KLHDC1: variants seen among roughly 807,000 people sequenced by gnomAD.
KLHDC1 encodes the protein kelch domain containing 1, also known as kelch domain-containing protein 1.
KLHDC1 carries 53 observed loss-of-function variants against 68.3 expected under a neutral mutation model. That is an observed-to-expected ratio of 0.78 (90% CI 0.62 to 0.98). The LOEUF is 0.98. Ranked by LOEUF, KLHDC1 falls within the 50% of genes least tolerant of loss-of-function variation. The pLI is 0.00. For missense variants in KLHDC1, 470 were observed against 492.3 expected (o/e 0.95, Z 0.43); for synonymous variants, 148 against 159.0 (o/e 0.93, Z 0.52).
intron 6 of KLHDC1, among the ~76,000 whole-genome samples, chr14:49,728,648 A>G (rs1888728970): frequency 6.6e-6 from 1 of 152,220 alleles, no homozygotes; most frequent in East Asian, 1.9e-4. Flanking sequence ...AGTATTTCAA[A>G]CAAAAATTTA....
rs1888019607 is a variant in KLHDC1, at chr14:49,705,353, A to ATTTCTTTC, written c.97-3798_97-3791dup. On this transcript the variant is annotated intron_variant, in intron 1 of 12. Coordinates refer to ENST00000359332, the MANE Select transcript of KLHDC1 (RefSeq NM_172193.3). ...AGTAATGACAATTCACTTTCATAAT[A>ATTTCTTTC]TTTCTTTCTTTCTTTTTTTTTTTTT... Among the ~76,000 whole-genome samples, 3 of 71,140 alleles carry ATTTCTTTC rather than the reference A, an allele frequency of 4.2e-5. No homozygotes were observed. In the South Asian group the frequency reaches 1.8e-3, roughly 42 times the overall value. The allele number at this position is 71,140 out of a possible 152,430, so 46.7% of individuals were successfully genotyped here. A position where few individuals can be genotyped will look rare whatever the true frequency, so the allele number is the denominator to read the frequency against.
chr14:49,739,087 G>A (rs1889001164), intron 10 of KLHDC1, among the ~76,000 whole-genome samples: 1 of 152,216 alleles, frequency 6.6e-6, no homozygotes, highest in Non-Finnish European at 1.5e-5. Context: ...AAAGGGTGCT[G>A]AATAGAGATG....
At chr14:49,739,640 A>G (rs767097922) in intron 10 of KLHDC1, among the ~76,000 whole-genome samples, 1 of 152,198 alleles carries the variant, frequency 6.6e-6, no homozygotes, top group Non-Finnish European at 1.5e-5. Context: ...AAAACTGGGG[A>G]AAGTGCTTGT....
At chr14:49,706,226 CAT>C (rs1014507788) in intron 1 of KLHDC1, among the ~76,000 whole-genome samples, 1 of 152,104 alleles carries the variant, frequency 6.6e-6, no homozygotes, top group Non-Finnish European at 1.5e-5. Flanking sequence ...CATGTAAGAA[CAT>C]GTGATGTTTG....
chr14:49,723,682 C>T (rs1274731657), intron 4 of KLHDC1, among the ~76,000 whole-genome samples, 192 bp from the exon 5 acceptor site: 1 of 152,194 alleles, frequency 6.6e-6, no homozygotes, highest in Non-Finnish European at 1.5e-5. Flanking sequence ...CTATGGGTCT[C>T]TTCTTTCCCA....
In KLHDC1 at chr14:49,751,986, A is replaced by T. The variant is rs987044851; in HGVS notation, c.*214A>T. 6 of 280,478 alleles carry T rather than the reference A, an allele frequency of 2.1e-5. No individual in the cohort carries two copies. In the South Asian group the frequency reaches 7.5e-4, roughly 35 times the overall value. 17.4% of individuals were successfully genotyped at this position (280,478 alleles called of 1,614,324 possible). ...AAACAAATTTCCTTACAAACTGCAG[A>T]ACAAATATTCTTTCTGAAAGTAAGT... On this transcript the variant is annotated 3_prime_UTR_variant, in exon 13 of 13. Transcript: ENST00000359332.
rs151334470 is a variant in KLHDC1 at position 49,693,277 on chromosome 14, G to A, written c.83G>A (p.Trp28Ter). The A allele has an allele frequency of 5.5e-4, 858 of 1,549,762 alleles. 1 individual carries two copies. Among genetic ancestry groups the A allele is most frequent in the Non-Finnish European group, 6.8e-4 (785 of 1,148,764 alleles). ...GTGGACGGAAACTTCCTCTACGTGTGGGGGGGCTACGTGGTAAGGGGAAGA... is the reference window on the plus strand; with the variant it reads ...GTGGACGGAAACTTCCTCTACGTGTAGGGGGGCTACGTGGTAAGGGGAAGA... ...AVVDGNFLYV[W>*]GGYVSIEDNE... The change falls in exon 1 of 13, where the codon TGG becomes TAG. Residue 28 changes from tryptophan to a stop codon, truncating the protein, a stop_gained. Coordinates refer to ENST00000359332, the MANE Select transcript of KLHDC1 (RefSeq NM_172193.3). LOFTEE classifies it high-confidence loss of function.
chr14:49,699,122 C>G (rs1175994306), intron 1 of KLHDC1, among the ~76,000 whole-genome samples: 2 of 147,758 alleles, frequency 1.4e-5, no homozygotes, highest in Admixed American at 6.8e-5. Context: ...CGAGATCGTG[C>G]CACCGCACTC....
At chr14:49,727,844 A>C (rs1209596777) in intron 6 of KLHDC1, among the ~76,000 whole-genome samples, 1 of 152,218 alleles carries the variant, frequency 6.6e-6, no homozygotes, top group East Asian at 1.9e-4. Flanking sequence ...TTGGATGCAG[A>C]GCTTTAATTT....
At chr14:49,747,146 A>G (rs1303825974) in intron 12 of KLHDC1, among the ~76,000 whole-genome samples, 1 of 151,896 alleles carries the variant, frequency 6.6e-6, no homozygotes, top group Non-Finnish European at 1.5e-5. Context: ...CAGGGGTTTC[A>G]CCATGTTAGC....
chr14:49,732,889 G>T, intron 9 of KLHDC1, 73 bp downstream of exon 9: 1 of 765,278 alleles, frequency 1.3e-6, no homozygotes, highest in Non-Finnish European at 2.2e-6. Context: ...TACTTACAGT[G>T]AAGTAAATCT....
intron 4 of KLHDC1, among the ~76,000 whole-genome samples, chr14:49,711,910 C>CTTTTT (rs992092493): frequency 2.0e-3 from 154 of 76,628 alleles, no homozygotes; most frequent in Non-Finnish European, 2.3e-3. Context: ...TTTTCTTTTT[C>CTTTTT]TTTTTTTTTT....
In KLHDC1 at chr14:49,723,898, G is replaced by A. The variant is rs746403278; in HGVS notation, c.429G>A (p.Gly143=). ...GACTAATATATTTTGGTGGTTATGG[G>A]TGTAGGAGACACAGTGAACTCCAAG... is the stretch of plus-strand genomic sequence containing the variant. ...KDRLIYFGGY[G]CRRHSELQDC... Residue 143 remains glycine (G), a synonymous_variant, in exon 5 of 13, where the codon GGG becomes GGA. Transcript: ENST00000359332. 6.2e-7 allele frequency: 1 copy of A among 1,601,668 alleles called. No homozygotes were observed. Among genetic ancestry groups the A allele is most frequent in the South Asian group, 1.1e-5 (1 of 89,938 alleles).
intron 1 of KLHDC1, among the ~76,000 whole-genome samples, chr14:49,706,858 A>G (rs1888063468): frequency 6.9e-6 from 1 of 145,264 alleles, no homozygotes; most frequent in Non-Finnish European, 1.5e-5. Flanking sequence ...GAGTCGTTTG[A>G]GCTCCTTATA....
At chr14:49,699,881 A>G (rs911916397) in intron 1 of KLHDC1, among the ~76,000 whole-genome samples, 8 of 152,218 alleles carry the variant, frequency 5.3e-5, no homozygotes, top group African/African-American at 1.9e-4. Context: ...TGCAAGGAAC[A>G]TTAAAAGTTG....
At chr14:49,730,212 A>G (rs1291651590) in intron 8 of KLHDC1, among the ~76,000 whole-genome samples, 1 of 142,162 alleles carries the variant, frequency 7.0e-6, no homozygotes, top group African/African-American at 2.5e-5. Flanking sequence ...ACTGGAAACA[A>G]TATTTGCAGG....
intron 9 of KLHDC1, among the ~76,000 whole-genome samples, chr14:49,733,281 T>A (rs1053486579): frequency 6.6e-6 from 1 of 152,164 alleles, no homozygotes; most frequent in African/African-American, 2.4e-5. Context: ...TTTTTTAAAC[T>A]CCAGTCATTG....
intron 6 of KLHDC1, among the ~76,000 whole-genome samples, chr14:49,728,150 T>C (rs1273310091): frequency 6.6e-6 from 1 of 152,028 alleles, no homozygotes; most frequent in Non-Finnish European, 1.5e-5. Context: ...GAGCGAAACC[T>C]CATCTCTACT....
chr14:49,745,173 A>AT (rs1257926358), intron 12 of KLHDC1, among the ~76,000 whole-genome samples: 1 of 152,210 alleles, frequency 6.6e-6, no homozygotes, highest in African/African-American at 2.4e-5. Flanking sequence ...ATACTGTGAC[A>AT]TTTAGATGTT....
Sources: allele counts gnomAD v4.1 joint callset (sites outside exome capture counted in the v4.1 genomes callset), GRCh38; gene constraint gnomAD v4.1.1; transcripts MANE v1.5; gene names NCBI Gene and HGNC (gene_info 2026-07-23, HGNC 2026-07-21).